Variants in CAT observed in about 807,000 individuals in gnomAD.
CAT encodes catalase.
A neutral mutation model predicts 59.0 loss-of-function variants in CAT; 43 were observed. The ratio of observed to expected loss-of-function variants is 0.73; its 90% CI spans 0.57 to 0.94. CAT has a LOEUF of 0.94. Among genes scored for constraint, CAT ranks in the 40% least tolerant of loss-of-function variants. The pLI is 0.00. For synonymous variants in CAT, 218 were observed against 230.9 expected, an observed-to-expected ratio of 0.94 and a Z score of 0.51; for missense variants, 664 against 682.9, an observed-to-expected ratio of 0.97 and a Z score of 0.31.
intron 6 of CAT, 93 bp from the exon 7 acceptor site, chr11:34,455,918 A>G (rs781209294): frequency 8.4e-6 from 8 of 956,430 alleles, no homozygotes; most frequent in African/African-American, 1.6e-5. Context: ...TTCTTTGGGC[A>G]GTGTTACTCA....
intron 1 of CAT, among the ~76,000 whole-genome samples, chr11:34,444,977 T>C (rs1231692161): frequency 1.3e-5 from 2 of 152,194 alleles, no homozygotes. Flanking sequence ...AATTAAAATA[T>C]TTCTCTCATT....
intron 1 of CAT, among the ~76,000 whole-genome samples, chr11:34,447,221 A>G (rs1022059620): frequency 3.9e-5 from 6 of 152,132 alleles, no homozygotes; most frequent in African/African-American, 1.4e-4. Context: ...AGTCATTTAA[A>G]AATAGCCCAG....
At chr11:34,443,175 T>C (rs1416139064) in intron 1 of CAT, among the ~76,000 whole-genome samples, 1 of 152,234 alleles carries the variant, frequency 6.6e-6, no homozygotes, top group Non-Finnish European at 1.5e-5. Context: ...TTAGTTGTGA[T>C]GCTTTACTGA....
At chr11:34,470,765 C>A in intron 11 of CAT, 193 bp from the exon 12 acceptor site, 2 of 659,404 alleles carry the variant, frequency 3.0e-6, no homozygotes, top group South Asian at 1.6e-5. Context: ...GGTTGCTCAG[C>A]CAGTATATGT....
At chr11:34,471,305 G>A (rs1391312519) in intron 12 of CAT, 63 bp from the exon 13 acceptor site, 2 of 1,250,866 alleles carry the variant, frequency 1.6e-6, no homozygotes, top group Non-Finnish European at 2.4e-6. Flanking sequence ...TATTAAAACT[G>A]AGTAAATATC....
intron 1 of CAT, among the ~76,000 whole-genome samples, chr11:34,439,863 C>T (rs75096421): frequency 5.8e-4 from 88 of 152,304 alleles, no homozygotes; most frequent in Non-Finnish European, 8.7e-4. Context: ...TAGAGGTTAT[C>T]TGTAGAATGT....
chr11:34,471,264 A>G, intron 12 of CAT, 104 bp from the exon 13 acceptor site: 1 of 1,010,908 alleles, frequency 9.9e-7, no homozygotes, highest in East Asian at 2.4e-5. Context: ...AAAGTGAATG[A>G]ATTCTGAATT....
rs1856549263 is a variant in CAT, at chr11:34,453,166, G to A, written c.557G>A (p.Trp186Ter). 3 of 1,612,480 alleles carry A rather than the reference G, an allele frequency of 1.9e-6. No individual in the cohort carries two copies. Among genetic ancestry groups the A allele is most frequent in the South Asian group, 1.1e-5 (1 of 91,052 alleles). The change falls in exon 5 of 13, where the codon TGG becomes TAG. Residue 186 changes from tryptophan to a stop codon, truncating the protein, a stop_gained. Coordinates refer to ENST00000241052, the MANE Select transcript of CAT (RefSeq NM_001752.4). LOFTEE classifies it high-confidence loss of function. Reference sequence around the variant, plus strand: ...GATCCGGACATGGTCTGGGACTTCTGGAGCCTACGTCCTGAGTCTCTGCAT... The same window carrying A: ...GATCCGGACATGGTCTGGGACTTCTAGAGCCTACGTCCTGAGTCTCTGCAT... ...LKDPDMVWDF[W>*]SLRPESLHQV...
chr11:34,449,400 T>A, intron 2 of CAT, 37 bp downstream of exon 2: 1 of 1,566,602 alleles, frequency 6.4e-7, no homozygotes, highest in South Asian at 1.1e-5. Context: ...AAAGATTGTT[T>A]CACAGCACCT....
chr11:34,467,557 G>A (rs564663999), intron 10 of CAT, among the ~76,000 whole-genome samples: 2 of 152,278 alleles, frequency 1.3e-5, no homozygotes, highest in African/African-American at 2.4e-5. Context: ...AGAACAGCAC[G>A]TAGAACAGAG....
At chr11:34,449,972 C>T (rs988454639) in intron 2 of CAT, among the ~76,000 whole-genome samples, 2 of 152,288 alleles carry the variant, frequency 1.3e-5, no homozygotes, top group African/African-American at 4.8e-5. Context: ...AGGGTGGACT[C>T]ACACTGGGAC....
intron 10 of CAT, among the ~76,000 whole-genome samples, chr11:34,466,594 G>A (rs1222412762): frequency 1.3e-5 from 2 of 151,898 alleles, no homozygotes; most frequent in South Asian, 2.1e-4. Context: ...TGGCTAACAC[G>A]GTGAAACCCC....
rs372249580 is a variant in CAT, at chr11:34,471,596, A to G, written c.*163A>G. 39 of 675,594 alleles carry G rather than the reference A, an allele frequency of 5.8e-5. No individual in the cohort carries two copies. The highest frequency in any genetic ancestry group is 4.8e-4 in the African/African-American group (27 of 56,198). 41.8% of individuals were successfully genotyped at this position (675,594 alleles called of 1,614,324 possible). ...CAGATTGTGTAACAATTTTAATGCT[A>G]TTTCCCCAGGGGAAAATGAAGGTTA... On this transcript the variant is annotated 3_prime_UTR_variant, in exon 13 of 13. Transcript: ENST00000241052.
At chr11:34,462,438 AT>A (rs1856662240) in intron 9 of CAT, among the ~76,000 whole-genome samples, 1 of 152,062 alleles carries the variant, frequency 6.6e-6, no homozygotes, top group Non-Finnish European at 1.5e-5. Flanking sequence ...CTATTTATTT[AT>A]TTTTTAGACA....
chr11:34,455,890 TGTTG>T (rs1227373937), intron 6 of CAT, 117 bp from the exon 7 acceptor site: 3 of 758,784 alleles, frequency 4.0e-6, no homozygotes, highest in African/African-American at 3.5e-5. Context: ...ATAGAAGTAT[TGTTG>T]TAAAGAAAGT....
At chr11:34,443,160 C>G (rs933218389) in intron 1 of CAT, among the ~76,000 whole-genome samples, 1 of 152,172 alleles carries the variant, frequency 6.6e-6, no homozygotes, top group African/African-American at 2.4e-5. Context: ...TCTTCCACTT[C>G]CCAATTAGTT....
rs778583616 is a variant in CAT at position 34,453,935 on chromosome 11, T to C, written c.711+9T>C. On this transcript the variant is annotated intron_variant, in intron 6 of 12. Coordinates refer to ENST00000241052, the MANE Select transcript of CAT (RefSeq NM_001752.4). ...GCAAATTCCATTATAAGGTATGTGT[T>C]ACCTTTGGGGCAGAGGGTACAAGGC... is the stretch of plus-strand genomic sequence containing the variant. 1 of 1,613,500 alleles carries C rather than the reference T, an allele frequency of 6.2e-7. No homozygotes were observed. Among genetic ancestry groups the C allele is most frequent in the Non-Finnish European group, 8.5e-7 (1 of 1,179,530 alleles).
intron 9 of CAT, 75 bp downstream of exon 9, chr11:34,461,464 GT>G (rs1856651092): frequency 6.4e-7 from 1 of 1,563,178 alleles, no homozygotes; most frequent in African/African-American, 1.4e-5. Flanking sequence ...GGCCAGGCCA[GT>G]GGCTCTCAAG....
chr11:34,454,540 G>C (rs1029979971), intron 6 of CAT, among the ~76,000 whole-genome samples: 14 of 152,162 alleles, frequency 9.2e-5, no homozygotes, highest in African/African-American at 3.4e-4. Context: ...AAGTGGGCTC[G>C]TGACCAGTAC....
Sources: allele counts gnomAD v4.1 joint callset (sites outside exome capture counted in the v4.1 genomes callset), GRCh38; gene constraint gnomAD v4.1.1; transcripts MANE v1.5; gene names NCBI Gene and HGNC (gene_info 2026-07-23, HGNC 2026-07-21).